The following PRKCB variants were observed in gnomAD, a reference collection of about 807,000 sequenced individuals.
The protein encoded by PRKCB is protein kinase C beta.
In PRKCB, 13 loss-of-function variants were observed where a neutral mutation model predicts 81.5. The ratio of observed to expected loss-of-function variants is 0.16; its 90% CI spans 0.10 to 0.25. PRKCB has a LOEUF of 0.25. PRKCB is among the 10% of genes least tolerant of loss of function. The probability of loss-of-function intolerance (pLI) is 1.00; values close to 1 mark genes in which losing one functional copy is unlikely to be tolerated. For synonymous variants in PRKCB, 335 were observed against 321.4 expected, an observed-to-expected ratio of 1.04 and a Z score of -0.45; for missense variants, 509 against 875.7, an observed-to-expected ratio of 0.58 and a Z score of 5.29.
At chr16:24,103,480 G>A (rs1966534946) in intron 7 of PRKCB, among the ~76,000 whole-genome samples, 1 of 152,064 alleles carries the variant, frequency 6.6e-6, no homozygotes, top group Non-Finnish European at 1.5e-5. Context: ...GTTGTTAAAA[G>A]TTCTGTGGAC....
intron 5 of PRKCB, among the ~76,000 whole-genome samples, chr16:24,083,277 A>C (rs1353049382): frequency 6.6e-6 from 1 of 152,192 alleles, no homozygotes; most frequent in Non-Finnish European, 1.5e-5. Flanking sequence ...TGCTCCGGGA[A>C]AGTGTGGCAG....
rs198164 is a variant in PRKCB, at chr16:24,174,134, C to T, written c.1332-384C>T. On this transcript the variant is annotated intron_variant, in intron 11 of 16. Coordinates refer to ENST00000643927, the MANE Select transcript of PRKCB (RefSeq NM_002738.7). Reference sequence around the variant, plus strand: ...AAGCGATCCTCTTGCCTCAGCCTTCCGAGTAGCTGGGATCACAGGCATGTG... The same window carrying T: ...AAGCGATCCTCTTGCCTCAGCCTTCTGAGTAGCTGGGATCACAGGCATGTG... 5.5e-3 allele frequency: 941 copies of T among 172,374 alleles called. 7 individuals are homozygous for T. Among genetic ancestry groups the T allele is most frequent in the Admixed American group, 1.0e-2 (170 of 17,078 alleles). The allele number at this position is 172,374 out of a possible 1,614,324, so 10.7% of individuals were successfully genotyped here.
At chr16:24,021,283 C>T in intron 3 of PRKCB, among the ~76,000 whole-genome samples, 1 of 95,036 alleles carries the variant, frequency 1.1e-5, no homozygotes, top group Non-Finnish European at 2.1e-5. Flanking sequence ...TTTCTTTTCT[C>T]CCTCTCCCTC....
rs138310840 is a variant in PRKCB at position 24,155,159 on chromosome 16, G to A, written c.1239+302G>A. Among the ~76,000 whole-genome samples, 199 of 152,314 alleles carry A rather than the reference G, an allele frequency of 1.3e-3. 1 individual carries two copies. The highest frequency in any genetic ancestry group is 4.6e-3 in the African/African-American group (192 of 41,580). On this transcript the variant is annotated intron_variant, in intron 10 of 16. Coordinates refer to ENST00000643927, the MANE Select transcript of PRKCB (RefSeq NM_002738.7). The stretch of plus-strand genomic sequence containing the variant: ...TTGGGGACAGGAGCTGGGTGAAAAG[G>A]TTCACAGCTTGTGGATCTAGATGGT...
chr16:23,905,331 A>G (rs749230971), intron 2 of PRKCB, among the ~76,000 whole-genome samples: 4 of 152,210 alleles, frequency 2.6e-5, no homozygotes, highest in Non-Finnish European at 5.9e-5. Flanking sequence ...AATGGCAAAC[A>G]GTACAATGTG....
intron 2 of PRKCB, among the ~76,000 whole-genome samples, chr16:23,882,879 C>T (rs1025032555): frequency 1.3e-5 from 2 of 151,932 alleles, no homozygotes; most frequent in Non-Finnish European, 2.9e-5. Flanking sequence ...TGAACTACTG[C>T]ACCTGGCTGA....
chr16:23,860,739 C>T (rs985097064), intron 2 of PRKCB, among the ~76,000 whole-genome samples: 2 of 150,354 alleles, frequency 1.3e-5, no homozygotes, highest in Admixed American at 6.6e-5. Context: ...AAAAAAGAAA[C>T]AAAACAAATC....
At chr16:24,061,915 A>AAAT (rs1172417305) in intron 5 of PRKCB, among the ~76,000 whole-genome samples, 9 of 147,968 alleles carry the variant, frequency 6.1e-5, no homozygotes, top group Non-Finnish European at 1.3e-4. Flanking sequence ...ATAAATAAAA[A>AAAT]AAAAAAAAAA....
rs55986931 is a variant in PRKCB, at chr16:23,950,132, A to AGTTTTTTTTTTTTTTTTTTTTTTTTT, written c.206-38376_206-38375insGTTTTTTTTTTTTTTTTTTTTTTTTT. Among the ~76,000 whole-genome samples the AGTTTTTTTTTTTTTTTTTTTTTTTTT allele has an allele frequency of 2.0e-5, 2 of 97,760 alleles. 1 individual carries two copies. The allele number at this position is 97,760 out of a possible 152,430, so 64.1% of individuals were successfully genotyped here. On this transcript the variant is annotated intron_variant, in intron 2 of 16. Transcript: ENST00000643927. ...AGCAGCATTGGCCCCTATGATTTGAATTTTTTTTTTTTTTTTTTTTTTTTT... is the reference window on the plus strand; with the variant it reads ...AGCAGCATTGGCCCCTATGATTTGAAGTTTTTTTTTTTTTTTTTTTTTTTTTTTTTTTTTTTTTTTTTTTTTTTTTT...
chr16:24,177,760 TGGTGTCACTGGACAAGCCCTGAGTTGCA>T (rs1466261672), intron 12 of PRKCB, among the ~76,000 whole-genome samples: 1 of 152,086 alleles, frequency 6.6e-6, no homozygotes, highest in East Asian at 1.9e-4. Flanking sequence ...GCTTGGGTGG[TGGTGTCACTGGACAAGCCCTGAGTTGCA>T]GTTAGGCATT....
intron 2 of PRKCB, among the ~76,000 whole-genome samples, chr16:23,851,464 C>T (rs531813098): frequency 9.2e-5 from 14 of 152,246 alleles, no homozygotes; most frequent in East Asian, 5.8e-4. Context: ...ATGCTAGTAC[C>T]GTGCTGTTTT....
intron 12 of PRKCB, among the ~76,000 whole-genome samples, chr16:24,175,968 T>A (rs983085740): frequency 1.6e-5 from 2 of 124,868 alleles, no homozygotes; most frequent in African/African-American, 6.2e-5. Context: ...CAAGACCCTG[T>A]CTCAAAAAAA....
intron 10 of PRKCB, among the ~76,000 whole-genome samples, chr16:24,169,803 G>A (rs1967412846): frequency 6.6e-6 from 1 of 151,816 alleles, no homozygotes; most frequent in African/African-American, 2.4e-5. Flanking sequence ...TTGAGACAGA[G>A]TCTCACTCTG....
rs1333592033 is a variant in PRKCB at position 24,216,274 on chromosome 16, T to TG, written c.*1462dup. 1.0e-6 allele frequency: 1 copy of TG among 985,412 alleles called. No homozygotes were observed. Among genetic ancestry groups the TG allele is most frequent in the African/African-American group, 1.7e-5 (1 of 57,358 alleles). The allele number at this position is 985,412 out of a possible 1,614,324, so 61.0% of individuals were successfully genotyped here. On this transcript the variant is annotated 3_prime_UTR_variant, in exon 17 of 17. Coordinates refer to ENST00000643927, the MANE Select transcript of PRKCB (RefSeq NM_002738.7). ...TTTAGAGACCAGCTGGGAACGTGAATGGGGCTCTTGATTTTCTTATCAAAA... is the reference window on the plus strand; with the variant it reads ...TTTAGAGACCAGCTGGGAACGTGAATGGGGGCTCTTGATTTTCTTATCAAAA...
chr16:24,072,822 T>A (rs984838776), intron 5 of PRKCB, among the ~76,000 whole-genome samples: 1 of 152,124 alleles, frequency 6.6e-6, no homozygotes, highest in Non-Finnish European at 1.5e-5. Flanking sequence ...CCTGAGGTGA[T>A]CCACCCGCCT....
chr16:23,980,700 C>T (rs1291724541), intron 2 of PRKCB, among the ~76,000 whole-genome samples: 1 of 152,024 alleles, frequency 6.6e-6, no homozygotes. Context: ...CCCAGATTGA[C>T]ATGGATTTAA....
intron 2 of PRKCB, among the ~76,000 whole-genome samples, chr16:23,901,793 C>A (rs1462252390): frequency 6.6e-6 from 1 of 152,154 alleles, no homozygotes; most frequent in East Asian, 1.9e-4. Flanking sequence ...CAAGAAGACA[C>A]CCTGCAATGA....
At chr16:24,157,604 T>G (rs1426267812) in intron 10 of PRKCB, among the ~76,000 whole-genome samples, 5 of 150,100 alleles carry the variant, frequency 3.3e-5, no homozygotes, top group Admixed American at 6.7e-5. Flanking sequence ...CTCAGGTATG[T>G]CTAATGGACT....
chr16:24,048,789 C>T (rs1172135961), intron 5 of PRKCB, among the ~76,000 whole-genome samples: 1 of 152,112 alleles, frequency 6.6e-6, no homozygotes, highest in Non-Finnish European at 1.5e-5. Flanking sequence ...GCCACAGCCA[C>T]CTTTTCTAAA....
Sources: allele counts gnomAD v4.1 joint callset (sites outside exome capture counted in the v4.1 genomes callset), GRCh38; gene constraint gnomAD v4.1.1; transcripts MANE v1.5; gene names NCBI Gene and HGNC (gene_info 2026-07-23, HGNC 2026-07-21).